Variants in GMDS observed in about 807,000 individuals in gnomAD.
The protein encoded by GMDS is GDP-mannose 4,6-dehydratase, also known as GDP-mannose 4,6 dehydratase.
Under a neutral mutation model 49.9 loss-of-function variants are expected in GMDS, and 20 were observed. The observed-to-expected ratio is 0.40, with a 90% confidence interval of 0.28 to 0.58. The LOEUF is 0.58. Ranked by LOEUF, GMDS falls within the 20% of genes least tolerant of loss-of-function variation. GMDS has a pLI of 0.42. For synonymous variants in GMDS, 177 were observed against 178.6 expected, an observed-to-expected ratio of 0.99 and a Z score of 0.07; for missense variants, 362 against 481.4, an observed-to-expected ratio of 0.75 and a Z score of 2.32.
At chr6:1,873,385 C>T (rs1413795071) in intron 7 of GMDS, among the ~76,000 whole-genome samples, 1 of 152,078 alleles carries the variant, frequency 6.6e-6, no homozygotes, top group Non-Finnish European at 1.5e-5. Flanking sequence ...TCCTGCCCCA[C>T]CTTTGGAAGA....
At chr6:1,929,429 A>C (rs1762179963) in intron 7 of GMDS, among the ~76,000 whole-genome samples, 1 of 152,258 alleles carries the variant, frequency 6.6e-6, no homozygotes, top group African/African-American at 2.4e-5. Context: ...CCATTTGTTT[A>C]TAAAAGAAAA....
intron 4 of GMDS, among the ~76,000 whole-genome samples, chr6:2,076,449 C>A (rs1224888569): frequency 6.6e-6 from 1 of 152,166 alleles, no homozygotes; most frequent in East Asian, 1.9e-4. Flanking sequence ...GCCCACATTG[C>A]CAAGCCAATC....
At chr6:1,941,900 C>A (rs1375951605) in intron 6 of GMDS, among the ~76,000 whole-genome samples, 2 of 152,104 alleles carry the variant, frequency 1.3e-5, no homozygotes, top group Non-Finnish European at 2.9e-5. Flanking sequence ...CTGCTCAAAT[C>A]TTAAACACAC....
At chr6:2,186,079 G>A (rs1778766037) in intron 1 of GMDS, among the ~76,000 whole-genome samples, 1 of 152,172 alleles carries the variant, frequency 6.6e-6, no homozygotes, top group South Asian at 2.1e-4. Context: ...CACCCAAACT[G>A]TAGTGAACAG....
intron 1 of GMDS, among the ~76,000 whole-genome samples, chr6:2,218,693 A>G (rs1440564312): frequency 6.6e-6 from 1 of 152,230 alleles, no homozygotes; most frequent in Non-Finnish European, 1.5e-5. Flanking sequence ...TGTAATTATG[A>G]ATCTTCTATA....
intron 1 of GMDS, among the ~76,000 whole-genome samples, chr6:2,201,872 A>G (rs1465943416): frequency 7.1e-4 from 97 of 136,320 alleles, no homozygotes; most frequent in African/African-American, 2.5e-3. Flanking sequence ...CCGAGATGAA[A>G]CCATCTAGGC....
chr6:2,233,160 T>C (rs1781191365), intron 1 of GMDS, among the ~76,000 whole-genome samples: 1 of 152,178 alleles, frequency 6.6e-6, no homozygotes, highest in Non-Finnish European at 1.5e-5. Context: ...AACAAAAACA[T>C]CTCTGGCCTC....
At chr6:1,659,201 T>C (rs981408744) in intron 9 of GMDS, among the ~76,000 whole-genome samples, 2 of 149,524 alleles carry the variant, frequency 1.3e-5, no homozygotes, top group Non-Finnish European at 3.0e-5. Flanking sequence ...GGCTCTTCGG[T>C]GGCAGGGCCT....
At chr6:2,098,344 C>T (rs1417751765) in intron 4 of GMDS, among the ~76,000 whole-genome samples, 1 of 152,194 alleles carries the variant, frequency 6.6e-6, no homozygotes, top group East Asian at 1.9e-4. Flanking sequence ...AGGCGTAAGC[C>T]ACCGCGCCCA....
intron 4 of GMDS, among the ~76,000 whole-genome samples, chr6:2,045,769 C>CA (rs148317489): frequency 0.21 from 31,413 of 147,752 alleles, 3,577 homozygotes; most frequent in Non-Finnish European, 0.25. Flanking sequence ...TAGCCCCAGT[C>CA]AAAAAAAAAA....
intron 4 of GMDS, among the ~76,000 whole-genome samples, chr6:2,028,594 C>T (rs1261048192): frequency 5.3e-5 from 8 of 152,096 alleles, no homozygotes; most frequent in Admixed American, 4.6e-4. Context: ...AGTCTTGTAA[C>T]GAAAGAGGAA....
chr6:2,201,025 C>G (rs1468617866), intron 1 of GMDS, among the ~76,000 whole-genome samples: 4,301 of 33,016 alleles, frequency 0.13, 3 homozygotes, highest in Middle Eastern at 0.21. Context: ...TTAGCAGAGA[C>G]GTGAAGGATG....
At chr6:2,233,260 A>G (rs1465344812) in intron 1 of GMDS, among the ~76,000 whole-genome samples, 2 of 152,140 alleles carry the variant, frequency 1.3e-5, no homozygotes, top group Non-Finnish European at 2.9e-5. Context: ...CTGAAATGCA[A>G]ACATTTTCCT....
At chr6:2,156,862 AG>A (rs1219633750) in intron 1 of GMDS, among the ~76,000 whole-genome samples, 2 of 152,214 alleles carry the variant, frequency 1.3e-5, no homozygotes, top group African/African-American at 4.8e-5. Context: ...ATGAGAAGAA[AG>A]GAAAAAGGTC....
intron 9 of GMDS, among the ~76,000 whole-genome samples, chr6:1,688,128 G>A (rs919775873): frequency 7.9e-5 from 12 of 152,190 alleles, no homozygotes; most frequent in African/African-American, 2.9e-4. Context: ...TGGATTCTGG[G>A]TTGATTTCCG....
intron 6 of GMDS, among the ~76,000 whole-genome samples, chr6:1,940,894 T>C (rs958074493): frequency 1.3e-5 from 2 of 152,242 alleles, no homozygotes; most frequent in Non-Finnish European, 2.9e-5. Flanking sequence ...CTGGTTGTGC[T>C]GTGCTTTGCA....
chr6:1,817,766 G>A (rs536134124), intron 7 of GMDS, among the ~76,000 whole-genome samples: 17 of 152,222 alleles, frequency 1.1e-4, no homozygotes, highest in African/African-American at 3.6e-4. Flanking sequence ...TGCTATTCAC[G>A]TGACCTGACT....
rs766801584 is a variant in GMDS at position 1,989,841 on chromosome 6, G to A, written c.346-28875C>T. 1.1e-4 allele frequency among the ~76,000 whole-genome samples: 17 copies of A among 152,216 alleles called. 1 individual carries two copies. Among genetic ancestry groups the A allele is most frequent in the South Asian group, 2.1e-4 (1 of 4,838 alleles). On this transcript the variant is annotated intron_variant, in intron 4 of 10. Transcript: ENST00000380815. ...ATCCAATGTGAGGGGCTGAAGATACGCCCTTGGGGCCAGGCCCAGCTCTAC... is the reference window on the plus strand; with the variant it reads ...ATCCAATGTGAGGGGCTGAAGATACACCCTTGGGGCCAGGCCCAGCTCTAC...
chr6:1,811,555 CTTTT>C lies in GMDS; in HGVS notation c.772-68973_772-68970del, dbSNP rs67339222. ...AATTAAAATATTTAGACTAGTCAAG[CTTTT>C]TTTTTTTTTTTTTTCAACTGAAGCC... On this transcript the variant is annotated intron_variant, in intron 7 of 10. Transcript: ENST00000380815. Among the ~76,000 whole-genome samples the C allele has an allele frequency of 1.7e-3, 207 of 119,070 alleles. 1 individual carries two copies. The highest frequency in any genetic ancestry group is 1.6e-3 in the Non-Finnish European group (93 of 58,106). 78.1% of individuals were successfully genotyped at this position (119,070 alleles called of 152,430 possible). A position where few individuals can be genotyped will look rare whatever the true frequency, so the allele number is the denominator to read the frequency against.
Sources: gnomAD v4.1 joint callset for allele counts (sites outside exome capture counted in the v4.1 genomes callset) on GRCh38, gnomAD v4.1.1 for gene constraint, MANE v1.5 for transcripts, NCBI Gene and HGNC (gene_info 2026-07-23, HGNC 2026-07-21) for gene names.